KAZN: variants seen among roughly 807,000 people sequenced by gnomAD.
KAZN encodes kazrin, periplakin interacting protein.
In KAZN, 40 loss-of-function variants were observed where a neutral mutation model predicts 87.4. That is an observed-to-expected ratio of 0.46 (90% CI 0.36 to 0.60). The LOEUF (loss-of-function observed/expected upper bound fraction) is 0.60. Ranked by LOEUF, KAZN falls within the 20% of genes least tolerant of loss-of-function variation. The probability of loss-of-function intolerance (pLI) is 0.00; values close to 1 mark genes in which losing one functional copy is unlikely to be tolerated. For synonymous variants in KAZN, 466 were observed against 458.3 expected (o/e 1.02, Z -0.22); for missense variants, 898 against 1,073.9 (o/e 0.84, Z 2.29).
chr1:14,797,494 G>A (rs1645866310), intron 1 of KAZN, among the ~76,000 whole-genome samples: 1 of 152,212 alleles, frequency 6.6e-6, no homozygotes, highest in South Asian at 2.1e-4. Context: ...ATTAGAAAGT[G>A]TGTTGGAACC....
chr1:14,971,269 G>A (rs1014318186), intron 2 of KAZN, among the ~76,000 whole-genome samples: 3 of 152,268 alleles, frequency 2.0e-5, no homozygotes, highest in South Asian at 4.1e-4. Flanking sequence ...ATGGTGGCGC[G>A]TGCCTGTAAT....
chr1:15,035,495 T>C (rs900923437), intron 3 of KAZN, among the ~76,000 whole-genome samples: 2 of 152,156 alleles, frequency 1.3e-5, no homozygotes, highest in African/African-American at 4.8e-5. Context: ...TGTTTCACCA[T>C]GTATCTCTCT....
chr1:13,974,151 A>C (rs542016405), intron 1 of KAZN, among the ~76,000 whole-genome samples: 78 of 152,368 alleles, frequency 5.1e-4, no homozygotes, highest in African/African-American at 1.9e-3. Flanking sequence ...TTTGTAAGAG[A>C]TTCACTGCCA....
At chr1:14,348,027 G>A (rs1658239732) in intron 2 of KAZN, among the ~76,000 whole-genome samples, 2 of 150,116 alleles carry the variant, frequency 1.3e-5, no homozygotes, top group Admixed American at 6.6e-5. Flanking sequence ...TGGGACTACA[G>A]GTGGGTGTCA....
In KAZN at chr1:14,522,811, C is replaced by T. The variant is rs181663445; in HGVS notation, c.250-76172C>T. ...ATGAATCACAGGTCATAAACTCAGGCGTGGGACAAGTATCAGATCTTTGTA... is the reference window on the plus strand; with the variant it reads ...ATGAATCACAGGTCATAAACTCAGGTGTGGGACAAGTATCAGATCTTTGTA... On this transcript the variant is annotated intron_variant, in intron 2 of 16. Transcript: ENST00000636203. Among the ~76,000 whole-genome samples the T allele has an allele frequency of 4.6e-5, 7 of 152,268 alleles. No individual in the cohort carries two copies. The East Asian group carries it at 7.7e-4, about 17-fold the overall frequency.
intron 2 of KAZN, among the ~76,000 whole-genome samples, chr1:14,280,327 C>T (rs1029902173): frequency 1.9e-4 from 26 of 139,752 alleles, no homozygotes; most frequent in African/African-American, 4.7e-4. Context: ...GCCAAGATCG[C>T]GCCACTGCAC....
chr1:14,667,215 A>G (rs1190287943), intron 1 of KAZN, among the ~76,000 whole-genome samples: 2 of 152,234 alleles, frequency 1.3e-5, no homozygotes, highest in East Asian at 1.9e-4. Flanking sequence ...CTCACAGGAC[A>G]GATGAGGAAA....
chr1:14,216,904 C>G (rs919458058), intron 2 of KAZN, among the ~76,000 whole-genome samples: 1 of 151,440 alleles, frequency 6.6e-6, no homozygotes, highest in Non-Finnish European at 1.5e-5. Flanking sequence ...AACTCTGTCT[C>G]AAAAAATAAA....
chr1:14,357,113 G>A (rs1200309985), intron 2 of KAZN, among the ~76,000 whole-genome samples: 3 of 152,092 alleles, frequency 2.0e-5, no homozygotes, highest in Non-Finnish European at 4.4e-5. Context: ...GCAGTGGTTT[G>A]TAGTTCTCCT....
chr1:14,749,633 C>G (rs1644357499), intron 1 of KAZN, among the ~76,000 whole-genome samples: 1 of 152,158 alleles, frequency 6.6e-6, no homozygotes, highest in Non-Finnish European at 1.5e-5. Flanking sequence ...GGAGTATTCC[C>G]AGTAGGTTGG....
intron 4 of KAZN, among the ~76,000 whole-genome samples, chr1:15,049,047 G>A (rs943084886): frequency 3.3e-5 from 5 of 152,196 alleles, no homozygotes; most frequent in Admixed American, 1.3e-4. Context: ...GTATTCTTAC[G>A]GTTTCGGAGC....
intron 1 of KAZN, among the ~76,000 whole-genome samples, chr1:13,931,465 T>TGC (rs1640508852): frequency 4.0e-5 from 6 of 151,244 alleles, no homozygotes; most frequent in Admixed American, 3.3e-4. Flanking sequence ...TGTGTGTGTG[T>TGC]GCATGCGTGT....
rs544709424 is a variant in KAZN, at chr1:14,494,606, G to A, written c.250-104377G>A. On this transcript the variant is annotated intron_variant, in intron 2 of 16. Coordinates refer to the KAZN transcript ENST00000636203. Reference sequence around the variant, plus strand: ...GTCCAATCTCCAGTGTGGCAAGGCAGGTCCTTTCGTGCCTAGCTGCCAACA... The same window carrying A: ...GTCCAATCTCCAGTGTGGCAAGGCAAGTCCTTTCGTGCCTAGCTGCCAACA... Among the ~76,000 whole-genome samples the A allele has an allele frequency of 2.0e-5, 3 of 152,248 alleles. No homozygotes were observed. In the South Asian group the frequency reaches 6.2e-4, roughly 32 times the overall value.
chr1:14,021,179 C>G (rs2359906), intron 1 of KAZN, among the ~76,000 whole-genome samples: 75,430 of 151,974 alleles, frequency 0.5, 19,356 homozygotes, highest in Admixed American at 0.62. Flanking sequence ...CCTCTGTCCA[C>G]TAGATGCCAG....
At chr1:14,757,606 G>A (rs1644605078) in intron 1 of KAZN, among the ~76,000 whole-genome samples, 1 of 152,168 alleles carries the variant, frequency 6.6e-6, no homozygotes, top group Non-Finnish European at 1.5e-5. Flanking sequence ...GACACTGTTG[G>A]TACTTTTATG....
At chr1:14,683,801 T>C (rs1175583041) in intron 1 of KAZN, among the ~76,000 whole-genome samples, 1 of 152,226 alleles carries the variant, frequency 6.6e-6, no homozygotes, top group Non-Finnish European at 1.5e-5. Flanking sequence ...CCACCCTGTA[T>C]CCTCAGCATT....
intron 2 of KAZN, among the ~76,000 whole-genome samples, chr1:14,565,348 C>T (rs936443117): frequency 6.6e-6 from 1 of 151,992 alleles, no homozygotes; most frequent in African/African-American, 2.4e-5. Context: ...ATTCAGTGTG[C>T]AATCGCGTAT....
intron 1 of KAZN, among the ~76,000 whole-genome samples, chr1:13,949,046 C>A (rs1641250585): frequency 6.6e-6 from 1 of 152,180 alleles, no homozygotes; most frequent in Non-Finnish European, 1.5e-5. Flanking sequence ...CTGATAAATG[C>A]TGAGTAAAAC....
intron 2 of KAZN, among the ~76,000 whole-genome samples, 171 bp downstream of exon 2, chr1:14,961,046 T>A (rs907188128): frequency 6.6e-6 from 1 of 152,250 alleles, no homozygotes; most frequent in African/African-American, 2.4e-5. Flanking sequence ...TCTTGTGGGC[T>A]GGGTGCAGAT....
Sources: allele counts gnomAD v4.1 joint callset (sites outside exome capture counted in the v4.1 genomes callset), GRCh38; gene constraint gnomAD v4.1.1; transcripts MANE v1.5; gene names NCBI Gene and HGNC (gene_info 2026-07-23, HGNC 2026-07-21).